The following FAM13C variants were observed in gnomAD, a reference collection of about 807,000 sequenced individuals.
FAM13C encodes the protein protein FAM13C.
A neutral mutation model predicts 73.2 loss-of-function variants in FAM13C; 37 were observed. The ratio of observed to expected loss-of-function variants is 0.51; its 90% CI spans 0.39 to 0.67. The LOEUF (loss-of-function observed/expected upper bound fraction) is 0.67, where lower values mean the gene tolerates loss of function less well. FAM13C is among the 30% of genes least tolerant of loss of function. FAM13C has a pLI of 0.00. For missense variants in FAM13C, 589 were observed against 715.6 expected (o/e 0.82, Z 2.02); for synonymous variants, 246 against 260.9 (o/e 0.94, Z 0.55).
At chr10:59,303,973 C>A (rs890173405) in intron 4 of FAM13C, among the ~76,000 whole-genome samples, 1 of 152,006 alleles carries the variant, frequency 6.6e-6, no homozygotes, top group Non-Finnish European at 1.5e-5. Context: ...TATGGTGAAA[C>A]CCTGTCTCTA....
chr10:59,283,673 T>G, intron 5 of FAM13C: 1 of 607,284 alleles, frequency 1.6e-6, no homozygotes, highest in South Asian at 1.9e-5. Context: ...CATATACGCA[T>G]CATTCCACAT....
chr10:59,291,823 C>G (rs1462672147), intron 5 of FAM13C, among the ~76,000 whole-genome samples: 2 of 121,562 alleles, frequency 1.6e-5, no homozygotes, highest in African/African-American at 6.5e-5. Context: ...GAGTCTTGCT[C>G]TGTCGCCCAG....
At chr10:59,299,934 C>G (rs1257875289) in intron 5 of FAM13C, among the ~76,000 whole-genome samples, 1 of 152,088 alleles carries the variant, frequency 6.6e-6, no homozygotes, top group Admixed American at 6.6e-5. Context: ...AATGCAATTC[C>G]TATCAAGAGA....
chr10:59,357,030 C>T (rs1276773568), intron 1 of FAM13C, among the ~76,000 whole-genome samples: 1 of 152,186 alleles, frequency 6.6e-6, no homozygotes, highest in African/African-American at 2.4e-5. Flanking sequence ...GCCAGGGGCT[C>T]TTGTGCCTTT....
rs758676876 is a variant in FAM13C at position 59,262,660 on chromosome 10, A to G, written c.1025-15T>C. ...TAGCTTTAGTTCTAAGAGAAATGCT[A>G]TGAGTTATCATAAGCAAAGAGAACC... On this transcript the variant is annotated splice_polypyrimidine_tract_variant and intron_variant, in intron 9 of 13. Transcript: ENST00000618804. The G allele has an allele frequency of 2.5e-6, 4 of 1,606,432 alleles. No individual in the cohort carries two copies. Among genetic ancestry groups the G allele is most frequent in the Non-Finnish European group, 3.4e-6 (4 of 1,174,440 alleles).
At chr10:59,253,886 T>G (rs1409939310) in intron 11 of FAM13C, 1 of 155,468 alleles carries the variant, frequency 6.4e-6, no homozygotes, top group Admixed American at 6.5e-5. Flanking sequence ...TATTTTCTAT[T>G]GAAATAAATC....
Position 59,283,356 on chromosome 10 carries a change from A to G in FAM13C, c.592+7T>C. 1.2e-6 allele frequency: 2 copies of G among 1,614,044 alleles called. No individual in the cohort carries two copies. Among genetic ancestry groups the G allele is most frequent in the Non-Finnish European group, 1.7e-6 (2 of 1,179,972 alleles). ...AATTTGGGACAACCCCCAGCCCTGT[A>G]TCTTACCTGCAGAATCTGTCCCATC... is the stretch of plus-strand genomic sequence containing the variant. On this transcript the variant is annotated splice_region_variant and intron_variant, in intron 6 of 13. Transcript: ENST00000618804.
intron 6 of FAM13C, among the ~76,000 whole-genome samples, chr10:59,276,692 G>A (rs1012546539): frequency 5.3e-5 from 8 of 152,092 alleles, no homozygotes; most frequent in South Asian, 4.1e-4. Context: ...AGTGCATCCT[G>A]GATTAATCTT....
intron 1 of FAM13C, among the ~76,000 whole-genome samples, chr10:59,359,390 G>A (rs184957551): frequency 4.8e-4 from 73 of 152,316 alleles, no homozygotes; most frequent in African/African-American, 1.6e-3. Context: ...CCCACAAGAA[G>A]TTCTTTTTGC....
chr10:59,313,448 C>A (rs1006803588), intron 4 of FAM13C, among the ~76,000 whole-genome samples: 1 of 152,186 alleles, frequency 6.6e-6, no homozygotes, highest in Non-Finnish European at 1.5e-5. Flanking sequence ...AAAATGACCA[C>A]TTTCTTGATC....
chr10:59,306,712 C>T (rs1259276641), intron 4 of FAM13C, among the ~76,000 whole-genome samples: 2 of 152,160 alleles, frequency 1.3e-5, no homozygotes, highest in Non-Finnish European at 2.9e-5. Flanking sequence ...CCCATCTCTA[C>T]TAAAATACAA....
chr10:59,329,345 T>TTTTTTTTTTTTTTTTTTTTTTTTTTG (rs1851636395), intron 3 of FAM13C, among the ~76,000 whole-genome samples: 1 of 2,186 alleles, frequency 4.6e-4, no homozygotes, highest in Non-Finnish European at 9.4e-4. Flanking sequence ...CTTTCTGGTT[T>TTTTTTTTTTTTTTTTTTTTTTTTTTG]TTTTTTTTTT....
intron 1 of FAM13C, among the ~76,000 whole-genome samples, chr10:59,357,187 C>CT (rs773320234): frequency 1.8e-4 from 27 of 152,300 alleles, no homozygotes; most frequent in Admixed American, 2.6e-4. Flanking sequence ...CTAAACTCCC[C>CT]TTCGAACATA....
rs894066061 is a variant in FAM13C, at chr10:59,346,086, C to T, written c.324+6184G>A. ...GTGCTTTCAAAGTCAATAAGCTGTACTGGTTTTCTTGCTTTTACTGTTTGA... is the reference window on the plus strand; with the variant it reads ...GTGCTTTCAAAGTCAATAAGCTGTATTGGTTTTCTTGCTTTTACTGTTTGA... On this transcript the variant is annotated intron_variant, in intron 3 of 13. Coordinates refer to ENST00000618804, the MANE Select transcript of FAM13C (RefSeq NM_198215.4). 3.9e-5 allele frequency among the ~76,000 whole-genome samples: 6 copies of T among 152,262 alleles called. No individual in the cohort carries two copies. In the South Asian group the frequency reaches 1.0e-3, roughly 26 times the overall value.
intron 3 of FAM13C, among the ~76,000 whole-genome samples, chr10:59,343,508 C>T (rs778591019): frequency 6.6e-6 from 1 of 152,178 alleles, no homozygotes; most frequent in Non-Finnish European, 1.5e-5. Context: ...CATTCTCCCC[C>T]TTAGGACATA....
At chr10:59,361,678 T>C (rs1024386231) in intron 1 of FAM13C, among the ~76,000 whole-genome samples, 1 of 152,096 alleles carries the variant, frequency 6.6e-6, no homozygotes, top group Non-Finnish European at 1.5e-5. Context: ...TTAACAAATA[T>C]AGTATAATAT....
intron 6 of FAM13C, among the ~76,000 whole-genome samples, chr10:59,277,350 T>C (rs865860913): frequency 6.6e-6 from 1 of 152,322 alleles, no homozygotes; most frequent in Middle Eastern, 3.4e-3. Flanking sequence ...TTGTTCCCAT[T>C]TTCACATATT....
At chr10:59,325,739 T>C (rs1851019071) in intron 3 of FAM13C, among the ~76,000 whole-genome samples, 1 of 152,164 alleles carries the variant, frequency 6.6e-6, no homozygotes, top group African/African-American at 2.4e-5. Context: ...ACAGCAGATA[T>C]GAACTACTAC....
Position 59,268,686 on chromosome 10 carries a change from C to T in FAM13C, c.809G>A (p.Arg270Gln), listed in dbSNP as rs1437716857. 1.2e-6 allele frequency: 2 copies of T among 1,611,830 alleles called. No individual in the cohort carries two copies. Among genetic ancestry groups the T allele is most frequent in the South Asian group, 1.1e-5 (1 of 90,912 alleles). ...PPSTQQFMMP[R>Q]SSSRCSCGDG... Reference sequence around the variant, plus strand: ...TCCACAGCTGCAGCGTGAAGAACTCCGCGGCCTGCAGTGATTACAAGGAGG... The same window carrying T: ...TCCACAGCTGCAGCGTGAAGAACTCTGCGGCCTGCAGTGATTACAAGGAGG... The change falls in exon 8 of 14, where the codon CGG (arginine) becomes CAG (glutamine). Residue 270 changes from arginine to glutamine, a missense_variant. Coordinates refer to ENST00000618804, the MANE Select transcript of FAM13C (RefSeq NM_198215.4).
Sources: gnomAD v4.1 joint callset for allele counts (sites outside exome capture counted in the v4.1 genomes callset) on GRCh38, gnomAD v4.1.1 for gene constraint, MANE v1.5 for transcripts, NCBI Gene and HGNC (gene_info 2026-07-23, HGNC 2026-07-21) for gene names.